The following ZFHX3 variants were observed in gnomAD, a reference collection of about 807,000 sequenced individuals.
ZFHX3 encodes zinc finger homeobox protein 3.
A neutral mutation model predicts 279.1 loss-of-function variants in ZFHX3; 42 were observed. The observed-to-expected ratio is 0.15, with a 90% CI of 0.12 to 0.19. The LOEUF (loss-of-function observed/expected upper bound fraction) is 0.19. ZFHX3 is among the 10% of genes least tolerant of loss of function. The pLI, the probability that ZFHX3 is intolerant of heterozygous loss-of-function variation, is 1.00. For missense variants in ZFHX3, 4,981 were observed against 4,754.0 expected (o/e 1.05, Z -1.40); for synonymous variants, 2,293 against 1,957.8 (o/e 1.17, Z -4.52).
chr16:73,145,322 C>A (rs1428416630), intron 5 of ZFHX3, among the ~76,000 whole-genome samples: 2 of 152,136 alleles, frequency 1.3e-5, no homozygotes, highest in Non-Finnish European at 2.9e-5. Context: ...TGTCAGGGTC[C>A]AATGCCAGGG....
At chr16:73,436,478 G>C (rs1291796929) in intron 3 of ZFHX3, among the ~76,000 whole-genome samples, 1 of 152,072 alleles carries the variant, frequency 6.6e-6, no homozygotes, top group Non-Finnish European at 1.5e-5. Context: ...CAGATGTCGT[G>C]AGACATATTC....
chr16:72,828,237 T>C (rs2036980321), intron 5 of ZFHX3, among the ~76,000 whole-genome samples: 1 of 152,188 alleles, frequency 6.6e-6, no homozygotes, highest in Admixed American at 6.5e-5. Flanking sequence ...TATTGTAATA[T>C]TAATAATGGT....
chr16:73,183,787 A>T (rs1177655753), intron 5 of ZFHX3, among the ~76,000 whole-genome samples: 1 of 151,746 alleles, frequency 6.6e-6, no homozygotes, highest in Admixed American at 6.6e-5. Flanking sequence ...CGTTTTGGAG[A>T]TGGGGAGAAA....
At chr16:73,762,816 G>A (rs2053885644) in intron 1 of ZFHX3, among the ~76,000 whole-genome samples, 1 of 152,094 alleles carries the variant, frequency 6.6e-6, no homozygotes, top group African/African-American at 2.4e-5. Context: ...ACACAGATTG[G>A]GGCCTGATGG....
chr16:73,055,720 A>G (rs1025770138), intron 1 of ZFHX3, among the ~76,000 whole-genome samples: 8 of 142,752 alleles, frequency 5.6e-5, no homozygotes, highest in Non-Finnish European at 1.3e-4. Flanking sequence ...ACACACACAC[A>G]CATACACACA....
intron 8 of ZFHX3, 118 bp from the exon 9 acceptor site, chr16:72,798,832 A>G (rs1466828536): frequency 2.1e-6 from 3 of 1,431,240 alleles, no homozygotes; most frequent in Admixed American, 2.9e-5. Context: ...TGATGAGGGA[A>G]GTGCCCAACC....
chr16:73,094,233 G>T (rs941723456), intron 7 of ZFHX3, among the ~76,000 whole-genome samples: 1 of 152,138 alleles, frequency 6.6e-6, no homozygotes, highest in African/African-American at 2.4e-5. Flanking sequence ...TCCCTGGAAG[G>T]TTCTTTCCTG....
At chr16:72,929,983 C>G (rs147251271) in intron 3 of ZFHX3, among the ~76,000 whole-genome samples, 1 of 152,080 alleles carries the variant, frequency 6.6e-6, no homozygotes, top group South Asian at 2.1e-4. Context: ...TTTGGGAGGC[C>G]GAAGTGGGCG....
At chr16:73,708,412 T>G (rs1842855279) in intron 1 of ZFHX3, among the ~76,000 whole-genome samples, 1 of 152,214 alleles carries the variant, frequency 6.6e-6, no homozygotes, top group Non-Finnish European at 1.5e-5. Context: ...TGATGTTGTA[T>G]GACACAGGTT....
intron 2 of ZFHX3, among the ~76,000 whole-genome samples, chr16:73,553,894 C>G (rs1019848694): frequency 6.6e-6 from 1 of 152,118 alleles, no homozygotes. Context: ...ATCATCTGAT[C>G]ACTGAAATGC....
At position 73,445,353 on chromosome 16, in the gene ZFHX3, T is replaced by C. The variant is rs188881345; in HGVS notation, c.-1291+10650A>G. Reference sequence around the variant, plus strand: ...GGGAGAGAGAGAGAGCATCCATGGTTTTCCCAGTTTTATTGACCAAAATAG... The same window carrying C: ...GGGAGAGAGAGAGAGCATCCATGGTCTTCCCAGTTTTATTGACCAAAATAG... On this transcript the variant is annotated intron_variant, in intron 3 of 17. Transcript: ENST00000641206. 2.2e-4 allele frequency among the ~76,000 whole-genome samples: 34 copies of C among 151,720 alleles called. No homozygotes were observed. In the East Asian group the frequency reaches 4.1e-3, roughly 18 times the overall value.
chr16:73,116,138 A>G (rs1017653866), intron 7 of ZFHX3, among the ~76,000 whole-genome samples: 9 of 147,918 alleles, frequency 6.1e-5, no homozygotes, highest in African/African-American at 2.1e-4. Context: ...AAAAAAAAAA[A>G]TGTTGCTCTC....
chr16:72,859,745 T>C (rs1185515073), intron 4 of ZFHX3, among the ~76,000 whole-genome samples: 1 of 152,054 alleles, frequency 6.6e-6, no homozygotes, highest in African/African-American at 2.4e-5. Flanking sequence ...GAGGGGAGAA[T>C]GCGGCAGGAC....
intron 6 of ZFHX3, among the ~76,000 whole-genome samples, chr16:73,141,339 T>C (rs1317376831): frequency 6.6e-6 from 1 of 152,128 alleles, no homozygotes. Context: ...ATGACAAAAG[T>C]AGTTGCTGAT....
chr16:73,672,271 T>G (rs1250591765), intron 2 of ZFHX3, among the ~76,000 whole-genome samples: 1 of 152,178 alleles, frequency 6.6e-6, no homozygotes, highest in Non-Finnish European at 1.5e-5. Flanking sequence ...AAGATCGTTC[T>G]GGGAACAAGG....
intron 4 of ZFHX3, among the ~76,000 whole-genome samples, chr16:72,856,162 G>A (rs1213495051): frequency 6.6e-6 from 1 of 152,200 alleles, no homozygotes; most frequent in Non-Finnish European, 1.5e-5. Context: ...ATGAAGGGGG[G>A]AAAGAAACTG....
chr16:73,483,213 C>T (rs540339725), intron 2 of ZFHX3: 8 of 355,632 alleles, frequency 2.2e-5, no homozygotes, highest in South Asian at 1.7e-4. Flanking sequence ...TGGGCCCCTG[C>T]TCCAAGTGCC....
intron 1 of ZFHX3, among the ~76,000 whole-genome samples, chr16:73,753,815 C>A (rs1424571253): frequency 2.0e-5 from 3 of 151,706 alleles, no homozygotes; most frequent in African/African-American, 7.3e-5. Context: ...ACTCACAAAA[C>A]AAGGTTACAT....
chr16:72,918,714 T>A (rs77956382), intron 3 of ZFHX3, among the ~76,000 whole-genome samples: 2 of 150,520 alleles, frequency 1.3e-5, no homozygotes, highest in Admixed American at 6.6e-5. Flanking sequence ...TTTTTTTTTT[T>A]AAATGGAGCC....
Sources: gnomAD v4.1 joint callset for allele counts (sites outside exome capture counted in the v4.1 genomes callset) on GRCh38, gnomAD v4.1.1 for gene constraint, MANE v1.5 for transcripts, NCBI Gene and HGNC (gene_info 2026-07-23, HGNC 2026-07-21) for gene names.